The following MGAT5 variants were observed in gnomAD, a reference collection of about 807,000 sequenced individuals.
The protein encoded by MGAT5 is alpha-1,6-mannosylglycoprotein 6-beta-N-acetylglucosaminyltransferase, also known as alpha-1,6-mannosylglycoprotein 6-beta-N-acetylglucosaminyltransferase A.
MGAT5 carries 30 observed loss-of-function variants against 94.3 expected under a neutral mutation model. The ratio of observed to expected loss-of-function variants is 0.32; its 90% CI spans 0.24 to 0.43. MGAT5 has a LOEUF of 0.43. MGAT5 is among the 20% of genes least tolerant of loss of function. The pLI, the probability that MGAT5 is intolerant of heterozygous loss-of-function variation, is 1.00. For missense variants in MGAT5, 691 were observed against 905.5 expected (o/e 0.76, Z 3.04); for synonymous variants, 310 against 322.9 (o/e 0.96, Z 0.43).
At chr2:134,202,443 C>T (rs755351864) in intron 1 of MGAT5, among the ~76,000 whole-genome samples, 3 of 152,208 alleles carry the variant, frequency 2.0e-5, no homozygotes, top group Admixed American at 6.5e-5. Flanking sequence ...AATTTGTTGG[C>T]GCCTTGATCT....
chr2:134,231,794 G>C (rs1037033430), intron 1 of MGAT5, among the ~76,000 whole-genome samples: 2 of 152,214 alleles, frequency 1.3e-5, no homozygotes, highest in Non-Finnish European at 2.9e-5. Flanking sequence ...GATCAGACCA[G>C]GGCGGGGCCA....
In MGAT5 at chr2:134,381,094, A is replaced by G. The variant is rs77641323; in HGVS notation, c.1380+18686A>G. On this transcript the variant is annotated intron_variant, in intron 10 of 15. Coordinates refer to ENST00000281923, the MANE Select transcript of MGAT5 (RefSeq NM_002410.5). ...TGCATATAGAAGAGCCCATGCAATC[A>G]TTTGTGGAAATGAATTCTGAACTCT... Among the ~76,000 whole-genome samples the G allele has an allele frequency of 4.2e-3, 634 of 152,120 alleles. 4 individuals are homozygous for G. Among genetic ancestry groups the G allele is most frequent in the Middle Eastern group, 0.027 (8 of 294 alleles).
At position 134,349,796 on chromosome 2, in the gene MGAT5, T is replaced by A; in HGVS notation, c.1113-9T>A. 6.2e-7 allele frequency: 1 copy of A among 1,613,134 alleles called. No homozygotes were observed. The highest frequency in any genetic ancestry group is 8.5e-7 in the Non-Finnish European group (1 of 1,179,542). On this transcript the variant is annotated splice_polypyrimidine_tract_variant and intron_variant, in intron 8 of 15. Coordinates refer to ENST00000281923, the MANE Select transcript of MGAT5 (RefSeq NM_002410.5). ...ATGTAGTGTTCAACACATTGCTTTT[T>A]TCTTTCAGGTGCATGCTCCGAGTCC...
At chr2:134,444,818 C>T (rs1361904609) in intron 15 of MGAT5, among the ~76,000 whole-genome samples, 2 of 152,308 alleles carry the variant, frequency 1.3e-5, no homozygotes, top group South Asian at 2.1e-4. Flanking sequence ...AAACCAGCCT[C>T]GAGTTCTTGT....
At chr2:134,136,906 A>G (rs1686435148) in intron 1 of MGAT5, among the ~76,000 whole-genome samples, 1 of 152,096 alleles carries the variant, frequency 6.6e-6, no homozygotes, top group Admixed American at 6.5e-5. Context: ...CAAAGAATTG[A>G]GCTCTATTCT....
chr2:134,410,245 A>C (rs1341238578), intron 11 of MGAT5, among the ~76,000 whole-genome samples: 1 of 152,018 alleles, frequency 6.6e-6, no homozygotes, highest in Non-Finnish European at 1.5e-5. Flanking sequence ...GTGGTGATGA[A>C]CTCTCTCCGC....
rs142464072 is a variant in MGAT5 at position 134,128,131 on chromosome 2, G to A, written c.-143+7840G>A. On this transcript the variant is annotated intron_variant, in intron 1 of 16. Transcript: ENST00000409645. The stretch of plus-strand genomic sequence containing the variant: ...TGCCTGTAATCCCAGCACTCTCAGA[G>A]GCTGAGATGGAAGGATTGCTTGAGC... Among the ~76,000 whole-genome samples the A allele has an allele frequency of 1.4e-4, 22 of 151,946 alleles. 1 individual carries two copies. The highest frequency in any genetic ancestry group is 5.2e-4 in the Admixed American group (8 of 15,268).
chr2:134,125,156 A>T (rs527273206), intron 1 of MGAT5, among the ~76,000 whole-genome samples: 1 of 152,316 alleles, frequency 6.6e-6, no homozygotes, highest in African/African-American at 2.4e-5. Context: ...GATGAAAAAA[A>T]TCCACCTTCT....
intron 10 of MGAT5, among the ~76,000 whole-genome samples, chr2:134,369,585 A>AT (rs1481060533): frequency 6.6e-6 from 1 of 152,238 alleles, no homozygotes; most frequent in African/African-American, 2.4e-5. Flanking sequence ...GATTCTGTAT[A>AT]TATTATACAT....
intron 12 of MGAT5, among the ~76,000 whole-genome samples, chr2:134,421,583 C>CAA (rs70973454): frequency 7.1e-6 from 1 of 140,750 alleles, no homozygotes; most frequent in African/African-American, 2.6e-5. Flanking sequence ...AACTCTGTTT[C>CAA]AAAAAAAAAA....
At chr2:134,200,089 T>C (rs1249481122) in intron 1 of MGAT5, among the ~76,000 whole-genome samples, 1 of 152,204 alleles carries the variant, frequency 6.6e-6, no homozygotes, top group Non-Finnish European at 1.5e-5. Flanking sequence ...ATAGTAAGTC[T>C]TTTATTTGGC....
intron 8 of MGAT5, among the ~76,000 whole-genome samples, chr2:134,346,950 G>A (rs1688954102): frequency 6.6e-6 from 1 of 152,110 alleles, no homozygotes; most frequent in Admixed American, 6.6e-5. Flanking sequence ...TAGTAGTGTG[G>A]CTGAGAGCAA....
At chr2:134,182,780 G>GTTTTTT (rs5834402) in intron 1 of MGAT5, among the ~76,000 whole-genome samples, 37 of 87,066 alleles carry the variant, frequency 4.2e-4, no homozygotes, top group Non-Finnish European at 6.3e-4. Flanking sequence ...TAGAAGATTA[G>GTTTTTT]TTTTTTTTTT....
intron 1 of MGAT5, among the ~76,000 whole-genome samples, chr2:134,162,993 G>A (rs1446712075): frequency 6.6e-6 from 1 of 152,196 alleles, no homozygotes; most frequent in African/African-American, 2.4e-5. Flanking sequence ...TCAAATATTT[G>A]TGGAGTGTCG....
chr2:134,177,144 C>CGTGTGTGTGTGTGTGTGTGT (rs141358502), intron 1 of MGAT5, among the ~76,000 whole-genome samples: 2,492 of 142,514 alleles, frequency 0.017, 80 homozygotes, highest in African/African-American at 0.053. Flanking sequence ...CAAATGAACC[C>CGTGTGTGTGTGTGTGTGTGT]GTGTGTGTGT....
At chr2:134,416,325 T>C (rs2106340635) in intron 12 of MGAT5, among the ~76,000 whole-genome samples, 1 of 152,242 alleles carries the variant, frequency 6.6e-6, no homozygotes, top group South Asian at 2.1e-4. Context: ...AAACCTCTCT[T>C]CTACTTTGTG....
chr2:134,156,874 G>A (rs1470266796), intron 1 of MGAT5, among the ~76,000 whole-genome samples: 9 of 152,180 alleles, frequency 5.9e-5, no homozygotes, highest in East Asian at 1.9e-4. Context: ...CAACTGGGAC[G>A]TTGGACTCGG....
chr2:134,253,876 G>A (rs1682768202), upstream of MGAT5, among the ~76,000 whole-genome samples: 2 of 152,162 alleles, frequency 1.3e-5, no homozygotes, highest in African/African-American at 4.8e-5. Flanking sequence ...TAATGACTTT[G>A]TAAGCTTAAG....
chr2:134,299,103 C>T (rs1183867408), intron 2 of MGAT5, among the ~76,000 whole-genome samples: 1 of 152,154 alleles, frequency 6.6e-6, no homozygotes, highest in African/African-American at 2.4e-5. Flanking sequence ...TCTTTCCAAG[C>T]GTCAATACCA....
Sources: allele counts gnomAD v4.1 joint callset (sites outside exome capture counted in the v4.1 genomes callset), GRCh38; gene constraint gnomAD v4.1.1; transcripts MANE v1.5; gene names NCBI Gene and HGNC (gene_info 2026-07-23, HGNC 2026-07-21).